EHBP1: variants seen among roughly 807,000 people sequenced by gnomAD.
EHBP1 encodes EH domain binding protein 1.
In EHBP1, 55 loss-of-function variants were observed where a neutral mutation model predicts 144.0. The observed-to-expected ratio is 0.38, with a 90% CI of 0.31 to 0.48. The LOEUF is 0.48. Among genes scored for constraint, EHBP1 ranks in the 20% least tolerant of loss-of-function variants. The pLI, the probability that EHBP1 is intolerant of heterozygous loss-of-function variation, is 0.98. For synonymous variants in EHBP1, 469 were observed against 472.7 expected (o/e 0.99, Z 0.10); for missense variants, 1,200 against 1,364.2 (o/e 0.88, Z 1.90).
chr2:62,787,270 T>C (rs912562209), intron 5 of EHBP1, among the ~76,000 whole-genome samples: 1 of 152,126 alleles, frequency 6.6e-6, no homozygotes, highest in Non-Finnish European at 1.5e-5. Context: ...TAACAATGGT[T>C]CTAAAGTTAT....
rs1052359865 is a variant in EHBP1 at position 62,927,656 on chromosome 2, T to C, written c.1186-15062T>C. On this transcript the variant is annotated intron_variant, in intron 10 of 22. Transcript: ENST00000431489. ...AATCGGAAGTAGACATACACATACT[T>C]GTACAATAATAGTTGGAAACTTCTA... Among the ~76,000 whole-genome samples, 13 of 152,120 alleles carry C rather than the reference T, an allele frequency of 8.5e-5. No homozygotes were observed. The East Asian group carries it at 1.2e-3, about 14-fold the overall frequency.
rs1268320089 is a variant in EHBP1 at position 63,037,539 on chromosome 2, G to A, written c.3108G>A (p.Arg1036=). 1 of 1,603,058 alleles carries A rather than the reference G, an allele frequency of 6.2e-7. No individual in the cohort carries two copies. The highest frequency in any genetic ancestry group is 8.5e-7 in the Non-Finnish European group (1 of 1,173,852). The change falls in exon 20 of 23, where the codon AGG becomes AGA. Residue 1036 remains arginine, a synonymous_variant. Transcript: ENST00000431489. ...KRLRYLMDTG[R]NTEEEEAMMQ... is the part of the protein sequence containing the mutation. ...GTAACTCTTCCCGAATTATAGGAAG[G>A]AACACAGAAGAAGAAGAAGCTATGA...
intron 5 of EHBP1, among the ~76,000 whole-genome samples, chr2:62,786,225 A>T (rs2042793181): frequency 6.6e-6 from 1 of 152,028 alleles, no homozygotes; most frequent in Non-Finnish European, 1.5e-5. Context: ...AGCCCATGAG[A>T]TGGACCCTGG....
chr2:62,765,637 A>C (rs540117871), intron 4 of EHBP1, among the ~76,000 whole-genome samples: 79 of 152,288 alleles, frequency 5.2e-4, no homozygotes, highest in Admixed American at 9.2e-4. Flanking sequence ...ATGGGAGTGA[A>C]GATAGTACCT....
chr2:62,743,605 A>C (rs895176434), intron 2 of EHBP1, among the ~76,000 whole-genome samples: 2 of 152,088 alleles, frequency 1.3e-5, no homozygotes, highest in Non-Finnish European at 1.5e-5. Flanking sequence ...TTTTCATGTG[A>C]TAGTTTCGGG....
intron 5 of EHBP1, among the ~76,000 whole-genome samples, chr2:62,774,396 AAAAG>A (rs1253425286): frequency 2.0e-5 from 3 of 151,524 alleles, no homozygotes. Flanking sequence ...AAAAAGAGAG[AAAAG>A]AAAGGAAGAA....
At chr2:62,703,944 A>G (rs2034357144), upstream of EHBP1, among the ~76,000 whole-genome samples, 1 of 152,240 alleles carries the variant, frequency 6.6e-6, no homozygotes, top group Non-Finnish European at 1.5e-5. Context: ...TAGGGTGCAA[A>G]AACCTTCTGA....
intron 10 of EHBP1, among the ~76,000 whole-genome samples, chr2:62,897,028 G>T (rs1039414739): frequency 6.6e-6 from 1 of 152,008 alleles, no homozygotes; most frequent in African/African-American, 2.4e-5. Context: ...GATATACATG[G>T]GGAAGTCTTG....
chr2:62,962,881 A>G (rs900830253), intron 14 of EHBP1, among the ~76,000 whole-genome samples: 2 of 152,250 alleles, frequency 1.3e-5, no homozygotes, highest in Admixed American at 1.3e-4. Flanking sequence ...ATGCTATTAT[A>G]AAACAGACTT....
intron 1 of EHBP1, among the ~76,000 whole-genome samples, chr2:62,693,267 G>A (rs967295608): frequency 1.3e-5 from 2 of 151,980 alleles, no homozygotes; most frequent in East Asian, 1.9e-4. Flanking sequence ...ATCTGTTGAC[G>A]GACACTTAGG....
chr2:62,990,730 T>C lies in EHBP1; in HGVS notation c.2623T>C (p.Leu875=). ...ATATTTAACAGAACAAAACAGTAAG[T>C]TGGTGGACTTGAAGCTGAAGAAGCT... ...SKASGEQNSK[L]VDLKLKKLLE... Residue 875 remains leucine, a synonymous_variant, in exon 16 of 23, where the codon TTG becomes CTG. Coordinates refer to ENST00000431489, the MANE Select transcript of EHBP1 (RefSeq NM_001142616.3). 1 of 1,613,820 alleles carries C rather than the reference T, an allele frequency of 6.2e-7. No homozygotes were observed. Among genetic ancestry groups the C allele is most frequent in the South Asian group, 1.1e-5 (1 of 91,076 alleles).
At chr2:62,909,556 A>G (rs2054047795) in intron 10 of EHBP1, among the ~76,000 whole-genome samples, 1 of 152,174 alleles carries the variant, frequency 6.6e-6, no homozygotes, top group South Asian at 2.1e-4. Context: ...CAGAAGTTTT[A>G]CACCAAAACA....
Position 62,990,737 on chromosome 2 carries a change from A to G in EHBP1, c.2630A>G (p.Asp877Gly). 6.2e-7 allele frequency: 1 copy of G among 1,613,888 alleles called. No individual in the cohort carries two copies. Among genetic ancestry groups the G allele is most frequent in the Non-Finnish European group, 8.5e-7 (1 of 1,179,854 alleles). ...ACAGAACAAAACAGTAAGTTGGTGGACTTGAAGCTGAAGAAGCTCCTAGAA... is the reference window on the plus strand; with the variant it reads ...ACAGAACAAAACAGTAAGTTGGTGGGCTTGAAGCTGAAGAAGCTCCTAGAA... ...ASGEQNSKLV[D>G]LKLKKLLEVQ... The change falls in exon 16 of 23, where the codon GAC becomes GGC. Residue 877 changes from aspartate to glycine, a missense_variant. Physicochemically the swap from Asp to Gly is moderately conservative, Grantham distance 94 (BLOSUM62 -1). Transcript: ENST00000431489.
At chr2:62,743,524 A>G (rs1380744278) in intron 2 of EHBP1, among the ~76,000 whole-genome samples, 5 of 152,130 alleles carry the variant, frequency 3.3e-5, no homozygotes, top group Non-Finnish European at 7.4e-5. Context: ...GCATGGTGTC[A>G]GGAACATAGT....
chr2:62,676,572 G>C (rs2151719995), intron 1 of EHBP1, among the ~76,000 whole-genome samples: 1 of 152,336 alleles, frequency 6.6e-6, no homozygotes, highest in Admixed American at 6.5e-5. Flanking sequence ...TGATCCTGCG[G>C]GACTGTGTAG....
At chr2:62,689,866 G>A (rs529058528) in intron 1 of EHBP1, among the ~76,000 whole-genome samples, 8 of 152,240 alleles carry the variant, frequency 5.3e-5, no homozygotes, top group South Asian at 2.1e-4. Context: ...TACACAGAAA[G>A]CATTAATAGT....
chr2:62,942,822 C>G lies in EHBP1; in HGVS notation c.1290C>G (p.Ile430Met), dbSNP rs2056839551. Residue 430 changes from isoleucine (I) to methionine (M), a missense_variant, in exon 11 of 23, where the codon ATC becomes ATG. Physicochemically the swap from Ile to Met is conservative, Grantham distance 10 (BLOSUM62 1). This residue lies in a region of EHBP1 where 94 missense variants were observed against 143.0 expected (regional missense o/e 0.66). Transcript: ENST00000431489. ...EVTKNYRGVK[I>M]TNFTTSWRNG... ...CAAAGAACTACCGAGGAGTAAAAAT[C>G]ACCAATTTTACTACATCGTGGAGAA... 1 of 1,613,478 alleles carries G rather than the reference C, an allele frequency of 6.2e-7. No individual in the cohort carries two copies.
intron 2 of EHBP1, among the ~76,000 whole-genome samples, chr2:62,724,485 C>T (rs899149445): frequency 2.0e-5 from 3 of 152,170 alleles, no homozygotes; most frequent in African/African-American, 7.2e-5. Context: ...TCAGCCATCT[C>T]GGCTTAATTC....
chr2:62,813,111 C>T (rs930790922), intron 5 of EHBP1, among the ~76,000 whole-genome samples: 6 of 152,138 alleles, frequency 3.9e-5, no homozygotes, highest in Non-Finnish European at 8.8e-5. Flanking sequence ...AGGGGATGGG[C>T]GTGGGGTGGC....
Sources: allele counts gnomAD v4.1 joint callset (sites outside exome capture counted in the v4.1 genomes callset), GRCh38; gene constraint gnomAD v4.1.1; regional missense constraint gnomAD v4.1.1; transcripts MANE v1.5; gene names NCBI Gene and HGNC (gene_info 2026-07-23, HGNC 2026-07-21).